Variants in SERPINB8 observed in about 807,000 individuals in gnomAD.
SERPINB8 encodes the protein serpin family B member 8.
SERPINB8 carries 25 observed loss-of-function variants against 35.3 expected under a neutral mutation model. That is an observed-to-expected ratio of 0.71 (90% CI 0.52 to 0.99). The LOEUF is 0.99. Ranked by LOEUF, SERPINB8 falls within the 50% of genes least tolerant of loss-of-function variation. The pLI is 0.00. For missense variants in SERPINB8, 484 were observed against 446.5 expected, an observed-to-expected ratio of 1.08 and a Z score of -0.76; for synonymous variants, 186 against 160.8, an observed-to-expected ratio of 1.16 and a Z score of -1.19.
intron 7 of SERPINB8, among the ~76,000 whole-genome samples, chr18:64,018,725 T>C (rs1292544486): frequency 6.6e-6 from 1 of 151,648 alleles, no homozygotes; most frequent in Non-Finnish European, 1.5e-5. Flanking sequence ...AAAACATCTA[T>C]GAATTACACT....
intron 4 of SERPINB8, among the ~76,000 whole-genome samples, chr18:63,982,180 A>G (rs1036704729): frequency 3.3e-5 from 5 of 152,150 alleles, no homozygotes; most frequent in African/African-American, 1.2e-4. Context: ...TGCGGCTTAG[A>G]GAGGGCAACA....
chr18:64,018,939 C>T (rs2050962978), exon 8 of SERPINB8: 1 of 152,064 alleles, frequency 6.6e-6, no homozygotes, highest in African/African-American at 2.4e-5. Context: ...CATTTATGAT[C>T]AAACACCAGC....
intron 1 of SERPINB8, chr18:63,970,625 C>A (rs1167272596): frequency 6.6e-6 from 1 of 152,492 alleles, no homozygotes; most frequent in Non-Finnish European, 1.5e-5. Flanking sequence ...TGGGAGGAGC[C>A]GCCGCTGCGG....
rs987398458 is a variant in SERPINB8 at position 63,985,215 on chromosome 18, G to T, written c.690G>T (p.Leu230=). ...AAGAGGAGCTGAGCATGGTCATTCT[G>T]CTTCCCGATGACAACACGGACCTCG... ...YVEEELSMVI[L]LPDDNTDLAV... is the part of the protein sequence containing the mutation. Residue 230 remains leucine, a synonymous_variant, in exon 6 of 7, where the codon CTG becomes CTT. Transcript: ENST00000397985. The T allele has an allele frequency of 1.7e-5, 28 of 1,614,080 alleles. No individual in the cohort carries two copies. The highest frequency in any genetic ancestry group is 2.3e-5 in the Non-Finnish European group (27 of 1,180,048).
At chr18:64,013,915 G>A (rs548488283) in intron 7 of SERPINB8, among the ~76,000 whole-genome samples, 43 of 152,228 alleles carry the variant, frequency 2.8e-4, no homozygotes, top group Non-Finnish European at 6.0e-4. Flanking sequence ...TAATGAGGCC[G>A]GTAGATTTGG....
At chr18:63,985,031 A>G (rs2050729286) in intron 5 of SERPINB8, 62 bp from the exon 6 acceptor site, 1 of 1,544,346 alleles carries the variant, frequency 6.5e-7, no homozygotes, top group African/African-American at 1.4e-5. Flanking sequence ...TGAGTTAGAT[A>G]TATCCTATTT....
chr18:63,981,194 T>C (rs771183135), intron 3 of SERPINB8, among the ~76,000 whole-genome samples: 50 of 152,336 alleles, frequency 3.3e-4, no homozygotes, highest in Admixed American at 9.1e-4. Context: ...TCCATTCCCA[T>C]GGGGCCTTCC....
At chr18:64,011,193 G>A (rs188138224) in intron 7 of SERPINB8, among the ~76,000 whole-genome samples, 195 of 152,024 alleles carry the variant, frequency 1.3e-3, no homozygotes, top group African/African-American at 4.1e-3. Flanking sequence ...GCCAAATGTG[G>A]TTTTCAGTTA....
chr18:63,977,566 G>T (rs572801909), intron 1 of SERPINB8, among the ~76,000 whole-genome samples: 3 of 152,260 alleles, frequency 2.0e-5, no homozygotes, highest in South Asian at 4.1e-4. Context: ...GACCTCAAGT[G>T]ATCTGCCTGC....
At position 63,970,130 on chromosome 18, in the gene SERPINB8, AGCGGCGGCGGCG is replaced by A; in HGVS notation, c.-42_-31del. On this transcript the variant is annotated 5_prime_UTR_variant, in exon 1 of 7. Transcript: ENST00000397985. Reference sequence around the variant, plus strand: ...ACAAAGGAGGAATAGTCAAAGCAGCAGCGGCGGCGGCGGCGGCGGCAGCAGCAGCAGCAGCAG... The same window carrying A: ...ACAAAGGAGGAATAGTCAAAGCAGCAGCGGCGGCAGCAGCAGCAGCAGCAG... 1 of 343,930 alleles carries A rather than the reference AGCGGCGGCGGCG, an allele frequency of 2.9e-6. No homozygotes were observed. Among genetic ancestry groups the A allele is most frequent in the Non-Finnish European group, 5.7e-6 (1 of 174,614 alleles). 21.3% of individuals were successfully genotyped at this position (343,930 alleles called of 1,614,324 possible). A position where few individuals can be genotyped will look rare whatever the true frequency, so the allele number is the denominator to read the frequency against.
chr18:63,974,246 T>G (rs1248800704), intron 1 of SERPINB8, among the ~76,000 whole-genome samples: 3 of 152,220 alleles, frequency 2.0e-5, no homozygotes, highest in Non-Finnish European at 4.4e-5. Context: ...CATTTCCATA[T>G]GTGTGTCTTC....
chr18:64,004,913 G>A (rs2050892810), exon 2 of SERPINB8: 1 of 398,288 alleles, frequency 2.5e-6, no homozygotes, highest in South Asian at 1.3e-4. Flanking sequence ...GCATTGAATT[G>A]AGGGATATTC....
At position 63,970,947 on chromosome 18, in the gene SERPINB8, T is replaced by C. The variant is rs538047871; in HGVS notation, c.-11+777T>C. On this transcript the variant is annotated intron_variant, in intron 1 of 6. Transcript: ENST00000397985. ...GGCGTTACTTTAACCAATTCCTCACTTTCCAGACACTCTCAGTCCTCTGGC... is the reference window on the plus strand; with the variant it reads ...GGCGTTACTTTAACCAATTCCTCACCTTCCAGACACTCTCAGTCCTCTGGC... Among the ~76,000 whole-genome samples, 3 of 152,308 alleles carry C rather than the reference T, an allele frequency of 2.0e-5. No homozygotes were observed. In the South Asian group the frequency reaches 6.2e-4, roughly 32 times the overall value.
At chr18:64,008,214 T>A (rs1382589132), downstream of SERPINB8, among the ~76,000 whole-genome samples, 1 of 152,126 alleles carries the variant, frequency 6.6e-6, no homozygotes, top group Non-Finnish European at 1.5e-5. Flanking sequence ...GAAAAATTCT[T>A]AATAAACAAA....
chr18:63,980,218 G>C (rs1429175751), intron 3 of SERPINB8, among the ~76,000 whole-genome samples: 2 of 152,014 alleles, frequency 1.3e-5, no homozygotes, highest in Admixed American at 6.5e-5. Flanking sequence ...CATTCAACAC[G>C]CTGTACAGAG....
chr18:64,002,899 A>G (rs2050882810), intron 1 of SERPINB8, among the ~76,000 whole-genome samples: 1 of 152,174 alleles, frequency 6.6e-6, no homozygotes, highest in South Asian at 2.1e-4. Context: ...AGGAAGGCAG[A>G]AGGCCCCCAA....
intron 1 of SERPINB8, among the ~76,000 whole-genome samples, chr18:63,971,715 C>T (rs899174234): frequency 1.3e-5 from 2 of 152,222 alleles, no homozygotes; most frequent in African/African-American, 4.8e-5. Flanking sequence ...GCCGGGTTAT[C>T]TTTCTAAAGC....
chr18:64,003,354 T>C (rs1246851541), intron 1 of SERPINB8, among the ~76,000 whole-genome samples: 1 of 151,956 alleles, frequency 6.6e-6, no homozygotes, highest in Non-Finnish European at 1.5e-5. Context: ...GTGGGGACCA[T>C]CTCCAGGGTA....
intron 3 of SERPINB8, 80 bp downstream of exon 3, chr18:63,980,018 G>C: frequency 7.1e-7 from 1 of 1,406,246 alleles, no homozygotes; most frequent in African/African-American, 1.4e-5. Context: ...AAGTATAACT[G>C]TACTGACTTA....
Sources: allele counts gnomAD v4.1 joint callset (sites outside exome capture counted in the v4.1 genomes callset), GRCh38; gene constraint gnomAD v4.1.1; transcripts MANE v1.5; gene names NCBI Gene and HGNC (gene_info 2026-07-23, HGNC 2026-07-21).